Variants in MARCHF4 observed in about 807,000 individuals in gnomAD.
MARCHF4 encodes the protein E3 ubiquitin-protein ligase MARCHF4.
In MARCHF4, 14 loss-of-function variants were observed where a neutral mutation model predicts 43.9. That is an observed-to-expected ratio of 0.32 (90% CI 0.21 to 0.50). The LOEUF (loss-of-function observed/expected upper bound fraction) is 0.50, where lower values mean the gene tolerates loss of function less well. Among genes scored for constraint, MARCHF4 ranks in the 20% least tolerant of loss-of-function variants. The pLI is 0.98. For synonymous variants in MARCHF4, 226 were observed against 213.3 expected (o/e 1.06, Z -0.52); for missense variants, 468 against 536.7 (o/e 0.87, Z 1.27).
intron 3 of MARCHF4, among the ~76,000 whole-genome samples, chr2:216,277,151 G>A (rs1042990757): frequency 1.3e-5 from 2 of 152,112 alleles, no homozygotes; most frequent in Admixed American, 6.5e-5. Context: ...TGTGTGTGAG[G>A]CCCCAGTACT....
rs67724586 is a variant in MARCHF4 at position 216,300,337 on chromosome 2, G to GAT, written c.517-16610_517-16609dup. Among the ~76,000 whole-genome samples, 35 of 124,200 alleles carry GAT rather than the reference G, an allele frequency of 2.8e-4. 1 individual carries two copies. The highest frequency in any genetic ancestry group is 6.4e-4 in the East Asian group (3 of 4,660). The allele number at this position is 124,200 out of a possible 152,430, so 81.5% of individuals were successfully genotyped here. On this transcript the variant is annotated intron_variant, in intron 1 of 3. Coordinates refer to ENST00000273067, the MANE Select transcript of MARCHF4 (RefSeq NM_020814.3). ...ATGTGCATATATATATGTCCATCTC[G>GAT]ATATATATATATGTATATATATATA...
At position 216,333,995 on chromosome 2, in the gene MARCHF4, T is replaced by C. The variant is rs192010580; in HGVS notation, c.516+35750A>G. On this transcript the variant is annotated intron_variant, in intron 1 of 3. Coordinates refer to ENST00000273067, the MANE Select transcript of MARCHF4 (RefSeq NM_020814.3). ...TTTTTTTAAGAATGATACCTAATGT[T>C]GGCTTGATAGGCAGAATAGAACATG... is the stretch of plus-strand genomic sequence containing the variant. Among the ~76,000 whole-genome samples the C allele has an allele frequency of 1.4e-3, 213 of 151,988 alleles. 1 individual carries two copies. Among genetic ancestry groups the C allele is most frequent in the African/African-American group, 5.0e-3 (205 of 41,408 alleles).
chr2:216,337,447 A>G (rs1692175915), intron 1 of MARCHF4, among the ~76,000 whole-genome samples: 1 of 152,238 alleles, frequency 6.6e-6, no homozygotes, highest in African/African-American at 2.4e-5. Context: ...TATGCATGTG[A>G]CTGAGTGGAT....
chr2:216,326,906 A>G (rs1188285848), intron 1 of MARCHF4, among the ~76,000 whole-genome samples: 1 of 152,138 alleles, frequency 6.6e-6, no homozygotes, highest in Non-Finnish European at 1.5e-5. Flanking sequence ...ACACATGTAT[A>G]CATACGTAAC....
chr2:216,269,223 C>T (rs1690895189), intron 3 of MARCHF4, among the ~76,000 whole-genome samples: 4 of 152,192 alleles, frequency 2.6e-5, no homozygotes, highest in Admixed American at 6.5e-5. Flanking sequence ...CAATCTCTTA[C>T]ATCTGTGGAG....
Position 216,258,028 on chromosome 2 carries a change from G to A in MARCHF4, c.*1284C>T, listed in dbSNP as rs1010128938. 1 of 152,200 alleles carries A rather than the reference G, an allele frequency of 6.6e-6. No individual in the cohort carries two copies. Among genetic ancestry groups the A allele is most frequent in the South Asian group, 2.1e-4 (1 of 4,828 alleles). 9.4% of individuals were successfully genotyped at this position (152,200 alleles called of 1,614,324 possible). On this transcript the variant is annotated 3_prime_UTR_variant, in exon 4 of 4. Transcript: ENST00000273067. The stretch of plus-strand genomic sequence containing the variant: ...GCAGTGACAACCAGAAACTTTGCAG[G>A]TGAACACCCAGTGGCCTTCCCTGGC...
At chr2:216,304,497 C>A (rs1691548699) in intron 1 of MARCHF4, among the ~76,000 whole-genome samples, 1 of 152,152 alleles carries the variant, frequency 6.6e-6, no homozygotes, top group Non-Finnish European at 1.5e-5. Context: ...GAATGGTTTC[C>A]CTCAGGCCAA....
At chr2:216,313,856 A>T (rs1043752467) in intron 1 of MARCHF4, among the ~76,000 whole-genome samples, 13 of 152,328 alleles carry the variant, frequency 8.5e-5, no homozygotes, top group African/African-American at 2.6e-4. Context: ...CCATTAATTA[A>T]GGATCCACTC....
intron 3 of MARCHF4, among the ~76,000 whole-genome samples, chr2:216,260,476 A>G (rs1315917486): frequency 1.3e-5 from 2 of 152,214 alleles, no homozygotes; most frequent in African/African-American, 4.8e-5. Context: ...GGAGGAGATC[A>G]TATCTGAGTT....
At chr2:216,354,973 T>C (rs1458544130) in intron 1 of MARCHF4, among the ~76,000 whole-genome samples, 1 of 142,118 alleles carries the variant, frequency 7.0e-6, no homozygotes, top group African/African-American at 2.7e-5. Context: ...CTTTCTTTCT[T>C]TCTTTCTTTC....
intron 1 of MARCHF4, among the ~76,000 whole-genome samples, chr2:216,360,417 G>A (rs185887917): frequency 6.6e-5 from 10 of 152,108 alleles, no homozygotes; most frequent in African/African-American, 2.4e-4. Flanking sequence ...TCCATGTGAT[G>A]GAATATTATT....
chr2:216,272,504 A>G (rs1690955990), intron 3 of MARCHF4, among the ~76,000 whole-genome samples: 1 of 152,228 alleles, frequency 6.6e-6, no homozygotes, highest in South Asian at 2.1e-4. Flanking sequence ...AATTTTACAG[A>G]GCAATCAGAG....
chr2:216,313,572 G>A lies in MARCHF4; in HGVS notation c.517-29843C>T, dbSNP rs560249658. ...AAGGAGCAAATGGCATGTAACATGA[G>A]GTGGCACTTGAAACTTTACTATCAC... On this transcript the variant is annotated intron_variant, in intron 1 of 3. Coordinates refer to ENST00000273067, the MANE Select transcript of MARCHF4 (RefSeq NM_020814.3). Among the ~76,000 whole-genome samples the A allele has an allele frequency of 1.6e-3, 239 of 152,318 alleles. 1 individual carries two copies. Among genetic ancestry groups the A allele is most frequent in the Non-Finnish European group, 2.4e-3 (165 of 68,022 alleles).
At chr2:216,358,841 G>A (rs377402753) in intron 1 of MARCHF4, among the ~76,000 whole-genome samples, 3 of 152,160 alleles carry the variant, frequency 2.0e-5, no homozygotes, top group South Asian at 4.1e-4. Flanking sequence ...AAAGTGATAC[G>A]TCATTCCTGA....
chr2:216,343,572 C>T (rs754869750), intron 1 of MARCHF4, among the ~76,000 whole-genome samples: 17 of 152,184 alleles, frequency 1.1e-4, no homozygotes, highest in Non-Finnish European at 2.2e-4. Flanking sequence ...TAGCGTCAGA[C>T]ACATTGTGAG....
intron 1 of MARCHF4, among the ~76,000 whole-genome samples, chr2:216,368,729 C>A (rs966066253): frequency 2.0e-5 from 3 of 152,356 alleles, no homozygotes; most frequent in East Asian, 3.9e-4. Context: ...AACACATAAC[C>A]TTGCCCACCT....
intron 1 of MARCHF4, among the ~76,000 whole-genome samples, chr2:216,294,272 G>A (rs553822960): frequency 6.6e-6 from 1 of 152,348 alleles, no homozygotes; most frequent in African/African-American, 2.4e-5. Flanking sequence ...TCCGTACACA[G>A]GCAGAGGGAT....
At chr2:216,283,479 C>G in intron 2 of MARCHF4, 95 bp downstream of exon 2, 1 of 1,427,114 alleles carries the variant, frequency 7.0e-7, no homozygotes, top group South Asian at 1.6e-5. Context: ...TTTCCTCAAA[C>G]TGCCCTGAAT....
In MARCHF4 at chr2:216,310,354, T is replaced by C. The variant is rs967290327; in HGVS notation, c.517-26625A>G. On this transcript the variant is annotated intron_variant, in intron 1 of 3. Transcript: ENST00000273067. ...ATAGCTCACCGCAGCCTCAACCTTC[T>C]GGGCTCAAGCAATCCTCCCCCCTCA... Among the ~76,000 whole-genome samples the C allele has an allele frequency of 2.6e-5, 4 of 152,132 alleles. No homozygotes were observed. The East Asian group carries it at 5.8e-4, about 22-fold the overall frequency.
Sources: allele counts gnomAD v4.1 joint callset (sites outside exome capture counted in the v4.1 genomes callset), GRCh38; gene constraint gnomAD v4.1.1; transcripts MANE v1.5; gene names NCBI Gene and HGNC (gene_info 2026-07-23, HGNC 2026-07-21).